The following APOBEC3G variants were observed in gnomAD, a reference collection of about 807,000 sequenced individuals.
APOBEC3G encodes the protein DNA dC->dU-editing enzyme APOBEC-3G.
Under a neutral mutation model 50.0 loss-of-function variants are expected in APOBEC3G, and 44 were observed. The ratio of observed to expected loss-of-function variants is 0.88; its 90% CI spans 0.69 to 1.13. APOBEC3G has a LOEUF of 1.13. Among genes scored for constraint, APOBEC3G ranks in the 50% most tolerant of loss-of-function variants. The probability of loss-of-function intolerance (pLI) is 0.00; values close to 1 mark genes in which losing one functional copy is unlikely to be tolerated. For missense variants in APOBEC3G, 469 were observed against 492.0 expected, an observed-to-expected ratio of 0.95 and a Z score of 0.44; for synonymous variants, 156 against 175.3, an observed-to-expected ratio of 0.89 and a Z score of 0.87.
chr22:39,081,622 C>T (rs761371611), intron 4 of APOBEC3G, 37 bp downstream of exon 4: 2 of 1,533,116 alleles, frequency 1.3e-6, no homozygotes, highest in Non-Finnish European at 1.8e-6. Flanking sequence ...CCTCGCTCCT[C>T]TCACCTCCTG....
At chr22:39,077,552 G>A (rs1306639175) in intron 1 of APOBEC3G, among the ~76,000 whole-genome samples, 174 bp downstream of exon 1, 3 of 151,898 alleles carry the variant, frequency 2.0e-5, no homozygotes, top group Middle Eastern at 3.4e-3. Context: ...CTGTGTTGTC[G>A]CCCCACTGCT....
chr22:39,080,691 C>T, intron 2 of APOBEC3G: 2 of 521,140 alleles, frequency 3.8e-6, no homozygotes, highest in South Asian at 2.7e-5. Flanking sequence ...CACAAAGGTG[C>T]AGTTCCCACA....
At chr22:39,081,397 T>C in intron 3 of APOBEC3G, 74 bp from the exon 4 acceptor site, 1 of 1,544,288 alleles carries the variant, frequency 6.5e-7, no homozygotes, top group Non-Finnish European at 8.9e-7. Context: ...AGAATATGTC[T>C]GGGAGGGGAG....
intron 2 of APOBEC3G, chr22:39,079,695 A>G (rs1022223869): frequency 1.3e-5 from 2 of 152,200 alleles, no homozygotes; most frequent in African/African-American, 4.8e-5. Flanking sequence ...ATTCTTGACA[A>G]GATAATGAAG....
At position 39,087,143 on chromosome 22, in the gene APOBEC3G, T is replaced by C. The variant is rs998115571; in HGVS notation, c.1140+17T>C. 9 of 1,613,892 alleles carry C rather than the reference T, an allele frequency of 5.6e-6. No homozygotes were observed. Among genetic ancestry groups the C allele is most frequent in the African/African-American group, 5.3e-5 (4 of 74,894 alleles). ...ATTCTCCAGGTGAGGGCTTCTTCCC[T>C]CTGCCCAGTGCCCCATCGGCCTCCC... On this transcript the variant is annotated intron_variant, in intron 7 of 7. Transcript: ENST00000407997.
Position 39,083,713 on chromosome 22 carries a change from T to C in APOBEC3G, c.582-18T>C, listed in dbSNP as rs375643135. Reference sequence around the variant, plus strand: ...CAGGAGGGCTCTTACTCCTCTGGGCTTTTCCCCCACTTTCCAGACACTCGA... The same window carrying C: ...CAGGAGGGCTCTTACTCCTCTGGGCCTTTCCCCCACTTTCCAGACACTCGA... On this transcript the variant is annotated intron_variant, in intron 4 of 7. Transcript: ENST00000407997. 9.3e-6 allele frequency: 15 copies of C among 1,611,584 alleles called. No homozygotes were observed. The highest frequency in any genetic ancestry group is 3.3e-5 in the Admixed American group (2 of 59,914).
Position 39,087,118 on chromosome 22 carries a change from A to T in APOBEC3G, c.1132A>T (p.Ile378Phe), listed in dbSNP as rs1928731096. The T allele has an allele frequency of 1.2e-6, 2 of 1,613,956 alleles. No individual in the cohort carries two copies. The highest frequency in any genetic ancestry group is 1.7e-6 in the Non-Finnish European group (2 of 1,179,982). ...AGACCTGAGTGGGAGGCTGCGGGCC[A>T]TTCTCCAGGTGAGGGCTTCTTCCCT... is the stretch of plus-strand genomic sequence containing the variant. ...SQDLSGRLRA[I>F]LQNQEN Residue 378 changes from isoleucine to phenylalanine, a missense_variant, in exon 7 of 8, where the codon ATT becomes TTT. Physicochemically the swap from Ile to Phe is conservative, Grantham distance 21. Transcript: ENST00000407997.
At position 39,086,514 on chromosome 22, in the gene APOBEC3G, G is replaced by C; in HGVS notation, c.971G>C (p.Gly324Ala). The C allele has an allele frequency of 2.5e-6, 4 of 1,613,234 alleles. No homozygotes were observed. Among genetic ancestry groups the C allele is most frequent in the Non-Finnish European group, 3.4e-6 (4 of 1,179,354 alleles). The change falls in exon 6 of 8, where the codon GGG becomes GCG. Residue 324 changes from glycine to alanine, a missense_variant. Gly to Ala is a moderately conservative substitution (Grantham distance 60). Transcript: ENST00000407997. ...GATGATCAAGGAAGATGTCAGGAGG[G>C]GCTGCGCACCCTGGCCGAGGCTGGG... ...IYDDQGRCQE[G>A]LRTLAEAGAK...
upstream of APOBEC3G, chr22:39,077,248 C>A: frequency 5.2e-6 from 8 of 1,540,852 alleles, no homozygotes; most frequent in South Asian, 6.0e-5. Context: ...GCCATGACTA[C>A]GAGGCCCTGG....
rs1400465184 is a variant in APOBEC3G, at chr22:39,080,303, A to G, written c.172-630A>G. ...AGAATTCACACACGAGGCCATGAACAGGGCTGGGAAAACTTCCAAACTCAG... is the reference window on the plus strand; with the variant it reads ...AGAATTCACACACGAGGCCATGAACGGGGCTGGGAAAACTTCCAAACTCAG... On this transcript the variant is annotated intron_variant, in intron 2 of 7. Coordinates refer to ENST00000407997, the MANE Select transcript of APOBEC3G (RefSeq NM_021822.4). The G allele has an allele frequency of 9.2e-6, 5 of 541,994 alleles. No individual in the cohort carries two copies. The South Asian group carries it at 4.0e-4, about 43-fold the overall frequency. 33.6% of individuals were successfully genotyped at this position (541,994 alleles called of 1,614,324 possible).
At chr22:39,084,702 G>A (rs1883076415) in intron 5 of APOBEC3G, among the ~76,000 whole-genome samples, 1 of 152,222 alleles carries the variant, frequency 6.6e-6, no homozygotes, top group African/African-American at 2.4e-5. Flanking sequence ...AAGAGACTGA[G>A]GCAGGAGAGG....
At chr22:39,086,725 G>A (rs748287990) in intron 6 of APOBEC3G, among the ~76,000 whole-genome samples, 158 bp downstream of exon 6, 2 of 152,016 alleles carry the variant, frequency 1.3e-5, no homozygotes, top group Middle Eastern at 3.2e-3. Flanking sequence ...CTTTGGGGTC[G>A]ACGGGAAGAG....
chr22:39,086,639 TG>T, intron 6 of APOBEC3G, 72 bp downstream of exon 6: 1 of 1,518,226 alleles, frequency 6.6e-7, no homozygotes, highest in South Asian at 1.3e-5. Flanking sequence ...TACTAGAAAG[TG>T]GGGAGGGTCG....
intron 3 of APOBEC3G, 34 bp from the exon 4 acceptor site, chr22:39,081,437 T>G: frequency 6.2e-7 from 1 of 1,601,622 alleles, no homozygotes; most frequent in Non-Finnish European, 8.6e-7. Context: ...AGAGGCCAGC[T>G]GGGCTTGACT....
intron 5 of APOBEC3G, among the ~76,000 whole-genome samples, chr22:39,085,080 C>T (rs768279646): frequency 1.2e-4 from 18 of 152,308 alleles, no homozygotes; most frequent in Non-Finnish European, 2.4e-4. Flanking sequence ...CAGCACAAAT[C>T]GTGTCATCCA....
chr22:39,080,623 G>C (rs538710120), intron 2 of APOBEC3G: 29 of 369,004 alleles, frequency 7.9e-5, no homozygotes, highest in Middle Eastern at 7.6e-4. Context: ...CCCAGCTAGA[G>C]GGCAAGAGAC....
intron 4 of APOBEC3G, chr22:39,083,105 G>C (rs555764693): frequency 6.6e-6 from 1 of 152,392 alleles, no homozygotes; most frequent in Non-Finnish European, 1.5e-5. Context: ...GTCCACTCCA[G>C]GGTGAAGATC....
Position 39,078,936 on chromosome 22 carries a change from A to T in APOBEC3G, c.22A>T (p.Thr8Ser). ...GTTTCTCTCTTGTGTCTTCAGAAAC[A>T]CAGTGGAGCGAATGTATCGAGACAC... MKPHFRN[T>S]VERMYRDTFS... Residue 8 changes from threonine (T) to serine (S), a missense_variant, in exon 2 of 8, where the codon ACA becomes TCA. Thr to Ser is a moderately conservative substitution (Grantham distance 58). Transcript: ENST00000407997. The T allele has an allele frequency of 6.2e-7, 1 of 1,613,826 alleles. No individual in the cohort carries two copies. Among genetic ancestry groups the T allele is most frequent in the Non-Finnish European group, 8.5e-7 (1 of 1,179,798 alleles).
intron 2 of APOBEC3G, 63 bp from the exon 3 acceptor site, chr22:39,080,870 C>T: frequency 7.5e-7 from 1 of 1,338,532 alleles, no homozygotes; most frequent in Non-Finnish European, 1.0e-6. Flanking sequence ...CTCCCCCTGC[C>T]CCACCCCTGC....
Sources: gnomAD v4.1 joint callset for allele counts (sites outside exome capture counted in the v4.1 genomes callset) on GRCh38, gnomAD v4.1.1 for gene constraint, MANE v1.5 for transcripts, NCBI Gene and HGNC (gene_info 2026-07-23, HGNC 2026-07-21) for gene names.